ERC2: variants seen among roughly 807,000 people sequenced by gnomAD.
ERC2 encodes ELKS/RAB6-interacting/CAST family member 2.
ERC2 carries 42 observed loss-of-function variants against 114.8 expected under a neutral mutation model. The observed-to-expected ratio is 0.37, with a 90% CI of 0.29 to 0.47. The LOEUF (loss-of-function observed/expected upper bound fraction) is 0.47. Ranked by LOEUF, ERC2 falls within the 20% of genes least tolerant of loss-of-function variation. ERC2 has a pLI of 0.99. For synonymous variants in ERC2, 454 were observed against 425.5 expected (o/e 1.07, Z -0.82); for missense variants, 939 against 1,150.7 (o/e 0.82, Z 2.66).
rs1011444105 is a variant in ERC2, at chr3:56,155,561, T to C, written c.1150-6429A>G. Among the ~76,000 whole-genome samples the C allele has an allele frequency of 2.4e-4, 36 of 152,006 alleles. 1 individual carries two copies. Among genetic ancestry groups the C allele is most frequent in the Non-Finnish European group, 8.8e-5 (6 of 67,994 alleles). On this transcript the variant is annotated intron_variant, in intron 4 of 17. Transcript: ENST00000288221. ...GTTACCTATAACAGAAAAAATATAA[T>C]GCACAAGTGATAGCGTGAAAGGTAA...
At chr3:55,782,747 T>C (rs1360640166) in intron 14 of ERC2, among the ~76,000 whole-genome samples, 1 of 152,186 alleles carries the variant, frequency 6.6e-6, no homozygotes, top group East Asian at 1.9e-4. Context: ...TCCTACCCTC[T>C]GTAAGCTTCC....
At chr3:56,206,201 ATACAC>A (rs1299386858) in intron 3 of ERC2, among the ~76,000 whole-genome samples, 1 of 57,238 alleles carries the variant, frequency 1.7e-5, no homozygotes, top group Non-Finnish European at 3.4e-5. Flanking sequence ...ACACACACAC[ATACAC>A]ACACACACAC....
In ERC2 at chr3:56,173,722, G is replaced by A. The variant is rs926970716; in HGVS notation, c.1075-202C>T. The A allele has an allele frequency of 2.2e-5, 12 of 533,574 alleles. No individual in the cohort carries two copies. In the Middle Eastern group the frequency reaches 1.9e-3, roughly 86 times the overall value. 33.1% of individuals were successfully genotyped at this position (533,574 alleles called of 1,614,324 possible). A position where few individuals can be genotyped will look rare whatever the true frequency, so the allele number is the denominator to read the frequency against. ...CCGGTGAAAAGCTCCTGGCACATGCGCTATTTCTGAAACTTCCATCAATAA... is the reference window on the plus strand; with the variant it reads ...CCGGTGAAAAGCTCCTGGCACATGCACTATTTCTGAAACTTCCATCAATAA... On this transcript the variant is annotated intron_variant, in intron 3 of 17. Transcript: ENST00000288221.
intron 17 of ERC2, among the ~76,000 whole-genome samples, chr3:55,517,446 CAAAAAAA>C (rs11309251): frequency 2.0e-4 from 18 of 90,130 alleles, no homozygotes; most frequent in Middle Eastern, 5.9e-3. Context: ...GACTCCGTCT[CAAAAAAA>C]AAAAAAAAAA....
At chr3:56,038,665 A>G (rs1408694364) in intron 7 of ERC2, among the ~76,000 whole-genome samples, 1 of 152,230 alleles carries the variant, frequency 6.6e-6, no homozygotes, top group East Asian at 1.9e-4. Flanking sequence ...TCGCAATAGC[A>G]AAGACATGGA....
At chr3:56,175,180 G>A (rs1262153238) in intron 3 of ERC2, among the ~76,000 whole-genome samples, 1 of 152,154 alleles carries the variant, frequency 6.6e-6, no homozygotes, top group Non-Finnish European at 1.5e-5. Context: ...ACCAGTGTGG[G>A]GGAGTTAATG....
chr3:55,731,897 G>A (rs2065271829), intron 15 of ERC2, among the ~76,000 whole-genome samples: 1 of 152,150 alleles, frequency 6.6e-6, no homozygotes, highest in Admixed American at 6.5e-5. Flanking sequence ...TGAACAGCTG[G>A]AGAACATTCT....
At chr3:56,053,089 T>G (rs896235345) in intron 7 of ERC2, among the ~76,000 whole-genome samples, 2 of 152,160 alleles carry the variant, frequency 1.3e-5, no homozygotes, top group African/African-American at 4.8e-5. Context: ...AGCACCAGCT[T>G]TGTGCAGAAT....
chr3:55,838,338 A>G (rs1016566411), intron 14 of ERC2, among the ~76,000 whole-genome samples: 3 of 152,130 alleles, frequency 2.0e-5, no homozygotes, highest in African/African-American at 7.2e-5. Flanking sequence ...TTAAAAGAAT[A>G]AAGATTATAA....
chr3:56,330,247 C>T (rs772265398), intron 2 of ERC2, among the ~76,000 whole-genome samples: 3 of 152,096 alleles, frequency 2.0e-5, no homozygotes, highest in Non-Finnish European at 4.4e-5. Flanking sequence ...CTATGTTGCC[C>T]ACACTGGTCT....
intron 2 of ERC2, among the ~76,000 whole-genome samples, chr3:56,388,485 C>T (rs2060014321): frequency 6.6e-6 from 1 of 152,150 alleles, no homozygotes; most frequent in Non-Finnish European, 1.5e-5. Flanking sequence ...ACCCGTGGAA[C>T]AATGAGCCAA....
intron 2 of ERC2, among the ~76,000 whole-genome samples, chr3:56,416,009 C>T (rs1363040313): frequency 6.6e-6 from 1 of 152,138 alleles, no homozygotes; most frequent in Admixed American, 6.5e-5. Context: ...GGCTTGGAGC[C>T]ATGACACGTT....
chr3:56,328,304 AC>A (rs2057457632), intron 2 of ERC2, among the ~76,000 whole-genome samples: 1 of 152,138 alleles, frequency 6.6e-6, no homozygotes, highest in South Asian at 2.1e-4. Context: ...ACTCCACAGC[AC>A]CCTGAACTTT....
At chr3:56,002,182 A>G (rs2072127557) in intron 10 of ERC2, among the ~76,000 whole-genome samples, 1 of 152,148 alleles carries the variant, frequency 6.6e-6, no homozygotes, top group South Asian at 2.1e-4. Flanking sequence ...CTTGCAGATC[A>G]AGCTGTATGT....
intron 17 of ERC2, among the ~76,000 whole-genome samples, chr3:55,520,065 G>C (rs1472625519): frequency 8.1e-6 from 1 of 124,166 alleles, no homozygotes; most frequent in Non-Finnish European, 1.7e-5. Flanking sequence ...CAAAAAAAAA[G>C]GAAAAAAAAG....
At chr3:56,341,973 G>T (rs1303356593) in intron 2 of ERC2, among the ~76,000 whole-genome samples, 1 of 152,200 alleles carries the variant, frequency 6.6e-6, no homozygotes, top group South Asian at 2.1e-4. Flanking sequence ...GGCTGGAGAG[G>T]CAGGGTGCCA....
At chr3:55,628,772 C>T (rs2059624654) in intron 17 of ERC2, among the ~76,000 whole-genome samples, 2 of 152,286 alleles carry the variant, frequency 1.3e-5, no homozygotes, top group South Asian at 4.1e-4. Flanking sequence ...TTTCTCTCCT[C>T]CCCAAAATGA....
intron 3 of ERC2, among the ~76,000 whole-genome samples, chr3:56,242,907 C>G (rs2051421200): frequency 6.6e-6 from 1 of 152,162 alleles, no homozygotes; most frequent in Non-Finnish European, 1.5e-5. Flanking sequence ...TAGGATATCT[C>G]TAAATGTAGC....
chr3:56,194,875 G>A (rs138218124), intron 3 of ERC2, among the ~76,000 whole-genome samples: 3 of 152,000 alleles, frequency 2.0e-5, no homozygotes, highest in Admixed American at 6.6e-5. Context: ...TCAACGGTGT[G>A]GCACAGACAT....
Sources: gnomAD v4.1 joint callset for allele counts (sites outside exome capture counted in the v4.1 genomes callset) on GRCh38, gnomAD v4.1.1 for gene constraint, MANE v1.5 for transcripts, NCBI Gene and HGNC (gene_info 2026-07-23, HGNC 2026-07-21) for gene names.